Variants in TASOR2 observed in about 807,000 individuals in gnomAD.
The protein encoded by TASOR2 is transcription activation suppressor family member 2.
TASOR2 carries 84 observed loss-of-function variants against 199.5 expected under a neutral mutation model. The ratio of observed to expected loss-of-function variants is 0.42; its 90% CI spans 0.35 to 0.50. The LOEUF (loss-of-function observed/expected upper bound fraction) is 0.50, where lower values mean the gene tolerates loss of function less well. TASOR2 is among the 20% of genes least tolerant of loss of function. TASOR2 has a pLI of 0.02. For synonymous variants in TASOR2, 1,103 were observed against 1,046.6 expected, an observed-to-expected ratio of 1.05 and a Z score of -1.04; for missense variants, 2,796 against 2,835.9, an observed-to-expected ratio of 0.99 and a Z score of 0.32.
intron 1 of TASOR2, among the ~76,000 whole-genome samples, chr10:5,691,336 T>TA (rs1469707966): frequency 6.6e-6 from 1 of 152,166 alleles, no homozygotes; most frequent in African/African-American, 2.4e-5. Flanking sequence ...CTTTTTGTGG[T>TA]AGACTGGATT....
chr10:5,723,871 TTCA>T (rs1215785332), intron 7 of TASOR2, 94 bp downstream of exon 8: 1 of 691,438 alleles, frequency 1.4e-6, no homozygotes, highest in African/African-American at 1.8e-5. Flanking sequence ...ACACTTCTGT[TTCA>T]TCATAAGTGA....
chr10:5,691,467 CAAA>C (rs530969784), intron 1 of TASOR2, among the ~76,000 whole-genome samples: 1 of 150,938 alleles, frequency 6.6e-6, no homozygotes, highest in Non-Finnish European at 1.5e-5. Flanking sequence ...GGTGTAATTC[CAAA>C]AAAAAAGTTT....
chr10:5,721,605 T>C (rs565074429), intron 6 of TASOR2, among the ~76,000 whole-genome samples: 18 of 152,272 alleles, frequency 1.2e-4, no homozygotes, highest in Admixed American at 2.0e-4. Flanking sequence ...ATAAAAATTA[T>C]GTGAATAAGC....
In TASOR2 at chr10:5,720,493, A is replaced by T; in HGVS notation, c.-99-51A>T. On this transcript the variant is annotated intron_variant, in intron 3 of 20. Coordinates refer to ENST00000328090, the Ensembl canonical transcript of TASOR2. This position sits in a 1 kb window ranked among gnomAD's most constrained non-coding sequence, Gnocchi z 5.3. ...GGTGGGGTTGAGAAAAACTTGGTAC[A>T]TATGCAGTTCCATAGTGCTACCCTG... The T allele has an allele frequency of 6.8e-7, 1 of 1,464,764 alleles. No homozygotes were observed. 90.7% of individuals were successfully genotyped at this position (1,464,764 alleles called of 1,614,324 possible). A position where few individuals can be genotyped will look rare whatever the true frequency, so the allele number is the denominator to read the frequency against.
chr10:5,758,586 GGCCTCCTGCTTCTCTTCT>G (rs1250073355), intron 17 of TASOR2, among the ~76,000 whole-genome samples: 2 of 152,084 alleles, frequency 1.3e-5, no homozygotes, highest in African/African-American at 4.8e-5. Context: ...ACTGCATCGG[GGCCTCCTGCTTCTCTTCT>G]GTCACACAAT....
At chr10:5,726,992 A>G in intron 9 of TASOR2, 35 bp downstream of exon 10, 1 of 1,613,148 alleles carries the variant, frequency 6.2e-7, no homozygotes, top group Non-Finnish European at 8.5e-7. Context: ...AATATTTTTC[A>G]TTATGTTTAC....
At chr10:5,709,545 C>G in intron 1 of TASOR2, 2 of 1,230,486 alleles carry the variant, frequency 1.6e-6, no homozygotes, top group Non-Finnish European at 1.0e-6. Flanking sequence ...ATGACATTAA[C>G]AGAGAACAGG....
chr10:5,748,663 G>A lies in TASOR2; in HGVS notation c.5242G>A (p.Gly1748Arg), dbSNP rs776938211. ...TGAAACAAAGGAGCTATTGAATGTC[G>A]GGGTTTCCTCCCTTTGTGCTGGTCC... Residue 1748 changes from glycine (G) to arginine (R), a missense_variant, in exon 15 of 21, where the codon GGG becomes AGG. Physicochemically the swap from Gly to Arg is moderately radical, Grantham distance 125. Coordinates refer to ENST00000328090, the Ensembl canonical transcript of TASOR2. The surrounding 1 kb of genome is among the most constrained non-coding windows in gnomAD (Gnocchi z 5.1). 9.3e-6 allele frequency: 15 copies of A among 1,614,068 alleles called. No homozygotes were observed. The African/African-American group carries it at 9.3e-5, about 10-fold the overall frequency.
At chr10:5,705,454 G>A (rs530522427) in intron 1 of TASOR2, among the ~76,000 whole-genome samples, 2 of 152,138 alleles carry the variant, frequency 1.3e-5, no homozygotes, top group Non-Finnish European at 2.9e-5. Flanking sequence ...ACATTCATGT[G>A]CAAGTGTTTT....
At chr10:5,713,296 A>T (rs1168292715) in intron 2 of TASOR2, among the ~76,000 whole-genome samples, 1 of 152,136 alleles carries the variant, frequency 6.6e-6, no homozygotes, top group African/African-American at 2.4e-5. Context: ...TTGATTTGGG[A>T]GATAAATCAT....
At chr10:5,713,529 A>G (rs1588682271) in intron 2 of TASOR2, among the ~76,000 whole-genome samples, 1 of 152,192 alleles carries the variant, frequency 6.6e-6, no homozygotes, top group African/African-American at 2.4e-5. Context: ...AATGGTTTAT[A>G]AAGAAGGGGG....
exon 15 of TASOR2, chr10:5,749,946 T>C: frequency 1.2e-6 from 2 of 1,614,094 alleles, no homozygotes; most frequent in Non-Finnish European, 1.7e-6. Context: ...AACTAAGAAG[T>C]GTTGTGAAAG....
intron 3 of TASOR2, 24 bp downstream of exon 4, chr10:5,717,774 G>A (rs1031884388): frequency 3.2e-6 from 3 of 936,644 alleles, no homozygotes; most frequent in Non-Finnish European, 4.2e-6. Context: ...GTGCTGTTAC[G>A]TGATTTCCTT....
intron 11 of TASOR2, among the ~76,000 whole-genome samples, chr10:5,733,141 A>G (rs1455185373): frequency 6.6e-6 from 1 of 152,212 alleles, no homozygotes; most frequent in Non-Finnish European, 1.5e-5. Context: ...CTACAAGTTC[A>G]TACATGACTG....
exon 21 of TASOR2, chr10:5,763,219 CTG>C: frequency 1.8e-6 from 1 of 545,626 alleles, no homozygotes; most frequent in East Asian, 3.2e-5. Flanking sequence ...TTGCAGTTGT[CTG>C]TTAGCTTTGG....
chr10:5,707,699 C>T (rs1838818570), intron 1 of TASOR2, among the ~76,000 whole-genome samples: 1 of 150,164 alleles, frequency 6.7e-6, no homozygotes, highest in South Asian at 2.1e-4. Context: ...CCCACACACA[C>T]ACATACTCAC....
chr10:5,756,585 T>A (rs1002437455), intron 15 of TASOR2, 28 bp from the exon 17 acceptor site: 24 of 1,608,918 alleles, frequency 1.5e-5, no homozygotes, highest in African/African-American at 5.4e-5. Context: ...ACCCTTTTTT[T>A]AATAATGGCT....
chr10:5,748,193 T>C lies in TASOR2; in HGVS notation c.4772T>C (p.Leu1591Ser), dbSNP rs1837492236. The C allele has an allele frequency of 6.2e-7, 1 of 1,614,122 alleles. No homozygotes were observed. Among genetic ancestry groups the C allele is most frequent in the South Asian group, 1.1e-5 (1 of 91,090 alleles). Reference sequence around the variant, plus strand: ...GAAAATAAGTCTTTGTCTGACACATTGGTTTCCACAACTGCACCAAGTGGT... The same window carrying C: ...GAAAATAAGTCTTTGTCTGACACATCGGTTTCCACAACTGCACCAAGTGGT... The change falls in exon 15 of 21, where the codon TTG (leucine) becomes TCG (serine). Residue 1591 changes from leucine to serine, a missense_variant. Coordinates refer to ENST00000328090, the Ensembl canonical transcript of TASOR2. The surrounding 1 kb of genome is among the most constrained non-coding windows in gnomAD (Gnocchi z 5.1).
intron 12 of TASOR2, among the ~76,000 whole-genome samples, chr10:5,736,884 A>G (rs117534237): frequency 0.022 from 3,272 of 152,022 alleles, 50 homozygotes; most frequent in Non-Finnish European, 0.032. Flanking sequence ...TCCTGATTCT[A>G]CTTTCTCCCT....
Sources: allele counts gnomAD v4.1 joint callset (sites outside exome capture counted in the v4.1 genomes callset), GRCh38; gene constraint gnomAD v4.1.1; non-coding constraint Gnocchi (gnomAD v3.1); transcripts MANE v1.5; gene names NCBI Gene and HGNC (gene_info 2026-07-23, HGNC 2026-07-21).